Variants in DNAH9 observed in about 807,000 individuals in gnomAD.
DNAH9 encodes the protein dynein axonemal heavy chain 9.
In DNAH9, 345 loss-of-function variants were observed where a neutral mutation model predicts 471.6. The observed-to-expected ratio is 0.73, with a 90% CI of 0.67 to 0.80. The LOEUF (loss-of-function observed/expected upper bound fraction) is 0.80, where lower values mean the gene tolerates loss of function less well. DNAH9 is among the 30% of genes least tolerant of loss of function. The pLI is 0.00. For missense variants in DNAH9, 5,407 were observed against 5,609.2 expected, an observed-to-expected ratio of 0.96 and a Z score of 1.15; for synonymous variants, 2,093 against 2,123.6, an observed-to-expected ratio of 0.99 and a Z score of 0.40.
At chr17:11,611,046 T>TTGCTCC (rs61286679) in intron 3 of DNAH9, among the ~76,000 whole-genome samples, 79,785 of 150,772 alleles carry the variant, frequency 0.53, 21,558 homozygotes, top group African/African-American at 0.56. Flanking sequence ...GGCTTCATTA[T>TTGCTCC]TGCTCCTGCT....
At chr17:11,631,093 T>C (rs557502871) in intron 7 of DNAH9, among the ~76,000 whole-genome samples, 4 of 151,610 alleles carry the variant, frequency 2.6e-5, no homozygotes, top group Non-Finnish European at 4.4e-5. Flanking sequence ...ACAGAACACA[T>C]AGGATAAGGA....
chr17:11,894,252 C>A (rs1567881897), intron 58 of DNAH9, 122 bp from the exon 59 acceptor site: 2 of 1,379,808 alleles, frequency 1.4e-6, no homozygotes, highest in East Asian at 4.6e-5. Flanking sequence ...CATTAAACAA[C>A]CAAAATTGAT....
intron 53 of DNAH9, among the ~76,000 whole-genome samples, chr17:11,875,422 C>T (rs1398309644): frequency 1.3e-5 from 2 of 152,172 alleles, no homozygotes; most frequent in African/African-American, 4.8e-5. Context: ...ATTCTGGGGT[C>T]CTTTCTTCAC....
chr17:11,882,881 T>G (rs1431478358), intron 55 of DNAH9: 2 of 969,658 alleles, frequency 2.1e-6, no homozygotes, highest in African/African-American at 3.5e-5. Context: ...AATCCTGGTC[T>G]TAAGGCAGGA....
chr17:11,855,461 A>T (rs1971593654), intron 50 of DNAH9, among the ~76,000 whole-genome samples: 2 of 152,180 alleles, frequency 1.3e-5, no homozygotes. Flanking sequence ...GAGAAAGGTG[A>T]AAGAGAGGTT....
intron 42 of DNAH9, among the ~76,000 whole-genome samples, chr17:11,794,220 A>G (rs1214604022): frequency 6.6e-6 from 1 of 151,328 alleles, no homozygotes; most frequent in Non-Finnish European, 1.5e-5. Flanking sequence ...AATTTTTTGT[A>G]TTTTTAGTAG....
chr17:11,810,282 A>G lies in DNAH9; in HGVS notation c.8620A>G (p.Lys2874Glu). 1 of 1,613,618 alleles carries G rather than the reference A, an allele frequency of 6.2e-7. No homozygotes were observed. The highest frequency in any genetic ancestry group is 8.5e-7 in the Non-Finnish European group (1 of 1,179,766). The change falls in exon 45 of 69, where the codon AAG becomes GAG. Residue 2874 changes from lysine to glutamate, a missense_variant. Transcript: ENST00000262442. The part of the protein sequence containing the change: ...LASLCLKAGV[K>E]NLNTVFLMTD... ...CAGCCTGTGTCTGAAAGCTGGAGTGAAGAATCTCAACACAGTGTTTCTCAT... is the reference window on the plus strand; with the variant it reads ...CAGCCTGTGTCTGAAAGCTGGAGTGGAGAATCTCAACACAGTGTTTCTCAT...
chr17:11,674,509 A>G (rs149069498), intron 17 of DNAH9, among the ~76,000 whole-genome samples: 1 of 152,198 alleles, frequency 6.6e-6, no homozygotes, highest in African/African-American at 2.4e-5. Context: ...CTGCCTATTC[A>G]TATCTGTGGC....
intron 17 of DNAH9, among the ~76,000 whole-genome samples, chr17:11,678,731 T>C (rs1016281839): frequency 2.0e-5 from 3 of 152,140 alleles, no homozygotes; most frequent in African/African-American, 7.2e-5. Context: ...TTTATATTTA[T>C]TCTGCTTGGG....
At chr17:11,650,268 A>G (rs533232035) in intron 12 of DNAH9, among the ~76,000 whole-genome samples, 2 of 152,236 alleles carry the variant, frequency 1.3e-5, no homozygotes, top group South Asian at 4.1e-4. Context: ...GATAGGGAGA[A>G]CCTGGGGCCA....
intron 27 of DNAH9, among the ~76,000 whole-genome samples, chr17:11,724,066 A>G (rs2075110797): frequency 6.6e-6 from 1 of 152,170 alleles, no homozygotes; most frequent in Admixed American, 6.6e-5. Flanking sequence ...TGCACATATT[A>G]TCAATAATAT....
At chr17:11,719,279 T>G (rs1454960526) in intron 26 of DNAH9, 55 bp from the exon 27 acceptor site, 1 of 1,572,618 alleles carries the variant, frequency 6.4e-7, no homozygotes, top group Non-Finnish European at 8.7e-7. Context: ...TGAGCCTTAG[T>G]CCTATCTCAC....
Position 11,894,864 on chromosome 17 carries a change from A to C in DNAH9, c.11406+368A>C, listed in dbSNP as rs138460751. 4.0e-3 allele frequency among the ~76,000 whole-genome samples: 607 copies of C among 152,342 alleles called. 5 individuals carry two copies. Among genetic ancestry groups the C allele is most frequent in the African/African-American group, 0.013 (560 of 41,574 alleles). On this transcript the variant is annotated intron_variant, in intron 59 of 68. Transcript: ENST00000262442. ...GGCTGCCACAGCATTTCCATAAAAC[A>C]GCAGGTGCCAGTGCTGTATTCAGGC... is the stretch of plus-strand genomic sequence containing the variant.
chr17:11,658,016 C>T (rs2150711483), intron 14 of DNAH9, among the ~76,000 whole-genome samples: 1 of 152,114 alleles, frequency 6.6e-6, no homozygotes, highest in East Asian at 1.9e-4. Context: ...TACATATCCA[C>T]ATAAGTTTTA....
At chr17:11,664,789 A>C (rs754784309) in intron 14 of DNAH9, 44 bp from the exon 15 acceptor site, 1 of 1,542,778 alleles carries the variant, frequency 6.5e-7, no homozygotes, top group Non-Finnish European at 8.9e-7. Flanking sequence ...CAGTTCTTTC[A>C]TGCTATTAAA....
intron 11 of DNAH9, among the ~76,000 whole-genome samples, chr17:11,646,536 A>G (rs2073394385): frequency 6.6e-6 from 1 of 152,192 alleles, no homozygotes; most frequent in Non-Finnish European, 1.5e-5. Flanking sequence ...ATTTACTGAG[A>G]CTAATCACAA....
intron 49 of DNAH9, among the ~76,000 whole-genome samples, chr17:11,839,273 T>G (rs1970948241): frequency 6.6e-6 from 1 of 152,114 alleles, no homozygotes; most frequent in African/African-American, 2.4e-5. Context: ...TCCCAGCACT[T>G]TGGGAGGCCG....
chr17:11,669,425 G>A lies in DNAH9; in HGVS notation c.2984G>A (p.Arg995Lys), dbSNP rs747554520. The A allele has an allele frequency of 6.2e-7, 1 of 1,614,010 alleles. No individual in the cohort carries two copies. The highest frequency in any genetic ancestry group is 1.3e-5 in the African/African-American group (1 of 74,932). ...LANMRRTLME[R>K]VQRMMGLCCG... ...AACATGCGGCGCACACTCATGGAGA[G>A]AGTCCAGAGAATGATGGGCCTCTGC... Residue 995 changes from arginine to lysine, a missense_variant, in exon 17 of 69, where the codon AGA (arginine) becomes AAA (lysine). Arg to Lys is a conservative substitution (Grantham distance 26). This residue lies in a region of DNAH9 where 4,636 missense variants were observed against 4,900.3 expected (regional missense o/e 0.95). Coordinates refer to ENST00000262442, the MANE Select transcript of DNAH9 (RefSeq NM_001372.4).
chr17:11,853,278 T>G (rs1042192581), intron 49 of DNAH9: 2 of 152,228 alleles, frequency 1.3e-5, no homozygotes, highest in African/African-American at 4.8e-5. Context: ...TAGCAGGCCT[T>G]AAATCAACTT....
Sources: allele counts gnomAD v4.1 joint callset (sites outside exome capture counted in the v4.1 genomes callset), GRCh38; gene constraint gnomAD v4.1.1; regional missense constraint gnomAD v4.1.1; transcripts MANE v1.5; gene names NCBI Gene and HGNC (gene_info 2026-07-23, HGNC 2026-07-21).